Variants in CDH4 observed in about 807,000 individuals in gnomAD.
CDH4 encodes the protein cadherin 4.
In CDH4, 33 loss-of-function variants were observed where a neutral mutation model predicts 86.0. The observed-to-expected ratio is 0.38, with a 90% CI of 0.29 to 0.51. CDH4 has a LOEUF of 0.51. CDH4 is among the 20% of genes least tolerant of loss of function. CDH4 has a pLI of 0.86. For missense variants in CDH4, 1,114 were observed against 1,307.4 expected, an observed-to-expected ratio of 0.85 and a Z score of 2.28; for synonymous variants, 555 against 549.4, an observed-to-expected ratio of 1.01 and a Z score of -0.14.
At chr20:61,895,535 T>C (rs1600747322) in intron 8 of CDH4, among the ~76,000 whole-genome samples, 1 of 152,296 alleles carries the variant, frequency 6.6e-6, no homozygotes, top group East Asian at 1.9e-4. Flanking sequence ...CTGAATGTTG[T>C]TGAAAGTCCA....
At chr20:61,928,464 G>T in intron 12 of CDH4, 41 bp downstream of exon 12, 1 of 1,571,066 alleles carries the variant, frequency 6.4e-7, no homozygotes, top group Non-Finnish European at 8.7e-7. Context: ...AGACTAGCCT[G>T]GGGTGCAGGC....
Position 61,582,972 on chromosome 20 carries a change from A to AAT in CDH4, c.170-160591_170-160590insAT, listed in dbSNP as rs1384389587. 6.6e-6 allele frequency among the ~76,000 whole-genome samples: 1 copy of AAT among 151,526 alleles called. No homozygotes were observed. The highest frequency in any genetic ancestry group is 2.4e-5 in the African/African-American group (1 of 41,192). ...CCCGGCCCTAGGCAGCCACTAATCT[A>AAT]CTTTCTGTCTCTGTCGACTTCCCTG... is the stretch of plus-strand genomic sequence containing the variant. On this transcript the variant is annotated intron_variant, in intron 2 of 15. Coordinates refer to ENST00000614565, the MANE Select transcript of CDH4 (RefSeq NM_001794.5). The surrounding 1 kb of genome is among the most constrained non-coding windows in gnomAD (Gnocchi z 4.2).
intron 2 of CDH4, among the ~76,000 whole-genome samples, chr20:61,449,921 T>A (rs887281627): frequency 6.6e-6 from 1 of 152,246 alleles, no homozygotes; most frequent in Non-Finnish European, 1.5e-5. Flanking sequence ...AATTATCCTA[T>A]CATCAGATGG....
chr20:61,636,210 C>T lies in CDH4; in HGVS notation c.170-107353C>T, dbSNP rs935978866. ...AAATTTTTAGGCAGTTTACCTTCTG[C>T]GGATTCACTTCTCTTTAAACTTCAG... is the stretch of plus-strand genomic sequence containing the variant. On this transcript the variant is annotated intron_variant, in intron 2 of 15. Transcript: ENST00000614565. Among the ~76,000 whole-genome samples the T allele has an allele frequency of 1.2e-3, 187 of 152,292 alleles. 1 individual carries two copies. Among genetic ancestry groups the T allele is most frequent in the Non-Finnish European group, 2.4e-4 (16 of 68,020 alleles).
At chr20:61,467,566 A>G (rs1436053586) in intron 2 of CDH4, among the ~76,000 whole-genome samples, 1 of 152,188 alleles carries the variant, frequency 6.6e-6, no homozygotes, top group Non-Finnish European at 1.5e-5. Flanking sequence ...GAGAAATAAT[A>G]TGTCCCCTTC....
At chr20:61,291,805 G>A (rs1297267033) in intron 2 of CDH4, among the ~76,000 whole-genome samples, 2 of 152,072 alleles carry the variant, frequency 1.3e-5, no homozygotes, top group African/African-American at 4.8e-5. Context: ...AGGTTAACAC[G>A]TGTCACAAGG....
intron 2 of CDH4, among the ~76,000 whole-genome samples, chr20:61,341,427 C>A (rs1191441854): frequency 6.6e-6 from 1 of 151,990 alleles, no homozygotes; most frequent in Non-Finnish European, 1.5e-5. Context: ...CTAATATTGG[C>A]CAAATCTGGG....
At chr20:61,859,579 A>C (rs1347962355) in intron 6 of CDH4, among the ~76,000 whole-genome samples, 1 of 152,232 alleles carries the variant, frequency 6.6e-6, no homozygotes, top group African/African-American at 2.4e-5. Flanking sequence ...ATAACATGTG[A>C]GATGTAGATC....
chr20:61,528,197 G>A (rs1015002419), intron 2 of CDH4, among the ~76,000 whole-genome samples: 14 of 149,724 alleles, frequency 9.4e-5, no homozygotes, highest in South Asian at 2.1e-4. Flanking sequence ...CCAACATGGC[G>A]AAACCCCATT....
chr20:61,599,507 G>A (rs546897741), intron 2 of CDH4, among the ~76,000 whole-genome samples: 1 of 151,730 alleles, frequency 6.6e-6, no homozygotes, highest in Non-Finnish European at 1.5e-5. Context: ...CCCCACTGTG[G>A]CTGGAGGTGT....
chr20:61,793,244 C>T (rs889734161), intron 4 of CDH4, among the ~76,000 whole-genome samples: 5 of 152,060 alleles, frequency 3.3e-5, no homozygotes, highest in Admixed American at 1.3e-4. Flanking sequence ...GGATTACAAG[C>T]GTGAGCCACT....
chr20:61,362,483 G>A (rs1460194776), intron 2 of CDH4, among the ~76,000 whole-genome samples: 3 of 150,906 alleles, frequency 2.0e-5, no homozygotes, highest in Admixed American at 2.0e-4. Flanking sequence ...GGAGAGCAGA[G>A]ACATGGCCTA....
At chr20:61,301,162 G>A (rs1029754922) in intron 2 of CDH4, among the ~76,000 whole-genome samples, 2 of 152,236 alleles carry the variant, frequency 1.3e-5, no homozygotes, top group African/African-American at 2.4e-5. Context: ...AGCGAGGCTC[G>A]GTTTAGCAAG....
chr20:61,839,629 CATGTTT>C (rs1444624463), intron 4 of CDH4, among the ~76,000 whole-genome samples: 12 of 150,348 alleles, frequency 8.0e-5, no homozygotes, highest in African/African-American at 2.9e-4. Context: ...GTACTGTGTG[CATGTTT>C]GTGTTTGTGT....
At chr20:61,830,316 C>T (rs1303470258) in intron 4 of CDH4, among the ~76,000 whole-genome samples, 2 of 152,162 alleles carry the variant, frequency 1.3e-5, no homozygotes, top group African/African-American at 4.8e-5. Context: ...TACTCAAGTC[C>T]ATCCACATCC....
chr20:61,850,058 C>T (rs575999948), intron 5 of CDH4, among the ~76,000 whole-genome samples: 19 of 152,346 alleles, frequency 1.2e-4, no homozygotes, highest in Admixed American at 2.0e-4. Context: ...CACCCTAAAG[C>T]CAGCCTGTAA....
intron 2 of CDH4, among the ~76,000 whole-genome samples, chr20:61,389,331 C>T (rs1017478002): frequency 5.9e-5 from 9 of 152,314 alleles, no homozygotes; most frequent in East Asian, 1.9e-4. Flanking sequence ...GTCCATGTGC[C>T]GCTGGGCATT....
intron 2 of CDH4, chr20:61,499,582 A>ACCTCAG: frequency 2.6e-6 from 3 of 1,155,156 alleles, no homozygotes; most frequent in Non-Finnish European, 2.3e-6. Context: ...AGTGTCCCTG[A>ACCTCAG]GGTCACACAG....
intron 2 of CDH4, among the ~76,000 whole-genome samples, chr20:61,363,535 C>T (rs966500549): frequency 6.6e-6 from 1 of 152,022 alleles, no homozygotes; most frequent in African/African-American, 2.4e-5. Context: ...CTGGACTCAA[C>T]AGAAGTGTTA....
Sources: allele counts gnomAD v4.1 joint callset (sites outside exome capture counted in the v4.1 genomes callset), GRCh38; gene constraint gnomAD v4.1.1; non-coding constraint Gnocchi (gnomAD v3.1); transcripts MANE v1.5; gene names NCBI Gene and HGNC (gene_info 2026-07-23, HGNC 2026-07-21).